LUZP2: variants seen among roughly 807,000 people sequenced by gnomAD.
LUZP2 encodes leucine zipper protein 2.
A neutral mutation model predicts 51.6 loss-of-function variants in LUZP2; 52 were observed. The ratio of observed to expected loss-of-function variants is 1.01; its 90% CI spans 0.81 to 1.27. The LOEUF (loss-of-function observed/expected upper bound fraction) is 1.27. LUZP2 is among the 50% of genes most tolerant of loss of function. LUZP2 has a pLI of 0.00. For synonymous variants in LUZP2, 154 were observed against 137.3 expected, an observed-to-expected ratio of 1.12 and a Z score of -0.85; for missense variants, 436 against 395.4, an observed-to-expected ratio of 1.10 and a Z score of -0.87.
intron 1 of LUZP2, among the ~76,000 whole-genome samples, chr11:24,681,771 CA>C (rs1447829289): frequency 6.6e-6 from 1 of 152,116 alleles, no homozygotes; most frequent in Non-Finnish European, 1.5e-5. Context: ...TTTCTCTCTT[CA>C]AAATTCAATT....
intron 5 of LUZP2, among the ~76,000 whole-genome samples, chr11:24,781,818 A>T (rs184047491): frequency 3.3e-5 from 5 of 152,130 alleles, no homozygotes; most frequent in Non-Finnish European, 7.4e-5. Context: ...CCAATACATT[A>T]AAAAAATTAG....
At chr11:24,757,549 G>T (rs1223149771) in intron 4 of LUZP2, among the ~76,000 whole-genome samples, 1 of 151,942 alleles carries the variant, frequency 6.6e-6, no homozygotes, top group Non-Finnish European at 1.5e-5. Flanking sequence ...AATTCAAGAA[G>T]TTGGTTAAAA....
chr11:24,976,491 TTTCTCTC>T, intron 7 of LUZP2, 93 bp from the exon 8 acceptor site: 2 of 679,232 alleles, frequency 2.9e-6, no homozygotes, highest in Non-Finnish European at 4.7e-6. Context: ...TTTTTTTTCT[TTTCTCTC>T]TTTTTACAAT....
intron 1 of LUZP2, among the ~76,000 whole-genome samples, chr11:24,540,065 C>A (rs920582723): frequency 1.3e-5 from 2 of 151,886 alleles, no homozygotes; most frequent in Non-Finnish European, 2.9e-5. Flanking sequence ...AGAAACCTAC[C>A]ATAAATCTGA....
At chr11:24,907,172 G>A (rs538955846) in intron 6 of LUZP2, among the ~76,000 whole-genome samples, 11 of 152,028 alleles carry the variant, frequency 7.2e-5, no homozygotes, top group African/African-American at 2.7e-4. Flanking sequence ...CTCACATGCT[G>A]AGCTAAGTTG....
chr11:24,519,216 C>T (rs1310155896), intron 1 of LUZP2, among the ~76,000 whole-genome samples: 16 of 152,088 alleles, frequency 1.1e-4, no homozygotes, highest in Non-Finnish European at 2.9e-5. Context: ...GACTACAAAT[C>T]TTATTTTCTA....
chr11:24,984,522 T>A (rs1396918166), intron 9 of LUZP2, among the ~76,000 whole-genome samples: 1 of 15,342 alleles, frequency 6.5e-5, no homozygotes, highest in Admixed American at 9.3e-4. Flanking sequence ...AAATTACATA[T>A]TTTATATATA....
intron 1 of LUZP2, among the ~76,000 whole-genome samples, chr11:24,728,266 C>T (rs1858566534): frequency 6.6e-6 from 1 of 151,932 alleles, no homozygotes; most frequent in Non-Finnish European, 1.5e-5. Flanking sequence ...TAGTAAATAG[C>T]TCCCTTCTAC....
rs1481063249 is a variant in LUZP2 at position 25,081,570 on chromosome 11, A to G, written c.*2912A>G. 4 of 152,190 alleles carry G rather than the reference A, an allele frequency of 2.6e-5. No homozygotes were observed. The highest frequency in any genetic ancestry group is 4.4e-5 in the Non-Finnish European group (3 of 68,032). The allele number at this position is 152,190 out of a possible 1,614,324, so 9.4% of individuals were successfully genotyped here. A position where few individuals can be genotyped will look rare whatever the true frequency, so the allele number is the denominator to read the frequency against. On this transcript the variant is annotated 3_prime_UTR_variant, in exon 12 of 12. Transcript: ENST00000336930. ...TATCTCAATTTTTATTTGCTTCAAAATAGAATCGGATAAGTTTAAAATGTT... is the reference window on the plus strand; with the variant it reads ...TATCTCAATTTTTATTTGCTTCAAAGTAGAATCGGATAAGTTTAAAATGTT...
intron 5 of LUZP2, among the ~76,000 whole-genome samples, chr11:24,884,062 A>G (rs1303203042): frequency 1.3e-5 from 2 of 152,030 alleles, no homozygotes; most frequent in African/African-American, 2.4e-5. Context: ...GGGTGAGAAT[A>G]TCTTTAGGAG....
chr11:24,814,415 A>C (rs117006523), intron 5 of LUZP2, among the ~76,000 whole-genome samples: 2,230 of 152,314 alleles, frequency 0.015, 27 homozygotes, highest in Middle Eastern at 0.024. Context: ...CTTCATCTTT[A>C]TTCCTAGAGA....
rs1250255241 is a variant in LUZP2, at chr11:24,634,662, A to G, written c.63-94507A>G. Among the ~76,000 whole-genome samples, 4 of 151,850 alleles carry G rather than the reference A, an allele frequency of 2.6e-5. No individual in the cohort carries two copies. The East Asian group carries it at 7.7e-4, about 29-fold the overall frequency. On this transcript the variant is annotated intron_variant, in intron 1 of 11. Transcript: ENST00000336930. Reference sequence around the variant, plus strand: ...AAAAAAAAAAGTAAATGAGCAATAAACTGACCATAGAGCTGTTTGTTTTGC... The same window carrying G: ...AAAAAAAAAAGTAAATGAGCAATAAGCTGACCATAGAGCTGTTTGTTTTGC...
At position 24,531,550 on chromosome 11, in the gene LUZP2, T is replaced by A. The variant is rs144738324; in HGVS notation, c.62+34245T>A. 2.5e-4 allele frequency among the ~76,000 whole-genome samples: 38 copies of A among 151,018 alleles called. No homozygotes were observed. In the East Asian group the frequency reaches 4.9e-3, roughly 19 times the overall value. ...CATTTTTCCTATTCAGCTGTACTTG[T>A]GTATCTATTAGCCCACCTCTGGCTA... On this transcript the variant is annotated intron_variant, in intron 1 of 11. Coordinates refer to ENST00000336930, the MANE Select transcript of LUZP2 (RefSeq NM_001009909.4).
chr11:25,024,830 A>G (rs1857438817), intron 9 of LUZP2, among the ~76,000 whole-genome samples: 1 of 147,132 alleles, frequency 6.8e-6, no homozygotes, highest in African/African-American at 2.6e-5. Context: ...AAGAGCCCGC[A>G]TCACCAAGTC....
chr11:24,557,968 T>G (rs145968627), intron 1 of LUZP2, among the ~76,000 whole-genome samples: 1 of 152,226 alleles, frequency 6.6e-6, no homozygotes, highest in East Asian at 1.9e-4. Context: ...TGAGGGTGTT[T>G]GCAGAGGAGA....
chr11:25,022,617 C>T (rs1857371431), intron 9 of LUZP2, among the ~76,000 whole-genome samples: 1 of 151,938 alleles, frequency 6.6e-6, no homozygotes, highest in Non-Finnish European at 1.5e-5. Flanking sequence ...ATTTTAAAAA[C>T]TATTATTATT....
intron 4 of LUZP2, among the ~76,000 whole-genome samples, chr11:24,750,046 A>G (rs577344916): frequency 2.0e-5 from 3 of 152,318 alleles, no homozygotes; most frequent in Admixed American, 6.5e-5. Flanking sequence ...GTCCCTTAAA[A>G]GAATTATCTA....
intron 10 of LUZP2, among the ~76,000 whole-genome samples, chr11:25,075,398 A>G (rs1859271201): frequency 6.6e-6 from 1 of 152,212 alleles, no homozygotes; most frequent in Non-Finnish European, 1.5e-5. Context: ...GCAGGCATTT[A>G]TGAAAATTCT....
At chr11:24,895,749 G>A (rs1489712272) in intron 5 of LUZP2, among the ~76,000 whole-genome samples, 1 of 152,132 alleles carries the variant, frequency 6.6e-6, no homozygotes, top group Non-Finnish European at 1.5e-5. Context: ...CACCATTGTT[G>A]GGCACCTAAG....
Sources: allele counts gnomAD v4.1 joint callset (sites outside exome capture counted in the v4.1 genomes callset), GRCh38; gene constraint gnomAD v4.1.1; transcripts MANE v1.5; gene names NCBI Gene and HGNC (gene_info 2026-07-23, HGNC 2026-07-21).